INTS1: variants seen among roughly 807,000 people sequenced by gnomAD.
INTS1 encodes the protein integrator complex subunit 1.
In INTS1, 137 loss-of-function variants were observed where a neutral mutation model predicts 241.6. The observed-to-expected ratio is 0.57, with a 90% confidence interval of 0.49 to 0.65. The LOEUF (loss-of-function observed/expected upper bound fraction) is 0.65, where lower values mean the gene tolerates loss of function less well. INTS1 is among the 30% of genes least tolerant of loss of function. INTS1 has a pLI of 0.00. For missense variants in INTS1, 3,073 were observed against 3,032.2 expected (o/e 1.01, Z -0.32); for synonymous variants, 1,692 against 1,337.8 (o/e 1.26, Z -5.78).
At chr7:1,472,983 C>A in intron 43 of INTS1, 89 bp downstream of exon 43, 1 of 839,516 alleles carries the variant, frequency 1.2e-6, no homozygotes, top group Non-Finnish European at 1.8e-6. Flanking sequence ...ACGCCTCGGA[C>A]GGCCCAGGGC....
intron 29 of INTS1, 90 bp downstream of exon 29, chr7:1,480,745 G>T: frequency 9.3e-7 from 1 of 1,076,470 alleles, no homozygotes. Context: ...GGCTGTGCAG[G>T]CCCCGTCCCC....
At position 1,487,009 on chromosome 7, in the gene INTS1, G is replaced by A; in HGVS notation, c.2739C>T (p.Phe913=). The stretch of plus-strand genomic sequence containing the variant: ...CATCGTCCACAGCATCGTGCAGCAG[G>A]AACTCGCACAGACACTGCACGGGCA... ...DVLPVQCLCE[F]LLHDAVDDAA... is the part of the protein sequence containing the mutation. Residue 913 remains phenylalanine, a synonymous_variant, in exon 21 of 48, where the codon TTC becomes TTT. Coordinates refer to ENST00000404767, the MANE Select transcript of INTS1 (RefSeq NM_001080453.3). 6.2e-7 allele frequency: 1 copy of A among 1,605,522 alleles called. No homozygotes were observed. Among genetic ancestry groups the A allele is most frequent in the South Asian group, 1.1e-5 (1 of 90,414 alleles).
rs550447111 is a variant in INTS1 at position 1,493,791 on chromosome 7, G to A, written c.2031C>T (p.Asp677=). ...CGGCAGCCGCCCGCTTCACCAGGTG[G>A]TCAGCAAGCTCCATGGCGTCCGCAG... ...LGPADAMELA[D]HLVKRAAAVQ... The change falls in exon 15 of 48, where the codon GAC becomes GAT. Residue 677 remains aspartate (D), a synonymous_variant. Transcript: ENST00000404767. This position sits in a 1 kb window ranked among gnomAD's most constrained non-coding sequence, Gnocchi z 5.3. 6.3e-7 allele frequency: 1 copy of A among 1,579,412 alleles called. No homozygotes were observed. The highest frequency in any genetic ancestry group is 1.2e-5 in the South Asian group (1 of 86,092).
chr7:1,479,733 G>A (rs746534405), intron 30 of INTS1, 49 bp from the exon 31 acceptor site: 24 of 1,433,276 alleles, frequency 1.7e-5, no homozygotes, highest in African/African-American at 2.9e-5. Flanking sequence ...AGAAGGAGGA[G>A]GAGCGCAGCG....
Position 1,474,806 on chromosome 7 carries a change from G to C in INTS1, c.5535C>G (p.Leu1845=), listed in dbSNP as rs1265170626. The change falls in exon 40 of 48, where the codon CTC becomes CTG. Residue 1845 remains leucine (L), a synonymous_variant. Coordinates refer to ENST00000404767, the MANE Select transcript of INTS1 (RefSeq NM_001080453.3). ...LDGLIHRFIT[L]LADTSDSRAL... is the part of the protein sequence containing the mutation. ...CCCGGGAGTCGCTGGTGTCCGCAAG[G>C]AGCGTGATGAAGCGGTGGATGAGTC... 1.3e-6 allele frequency: 2 copies of C among 1,590,924 alleles called. No individual in the cohort carries two copies. Among genetic ancestry groups the C allele is most frequent in the Non-Finnish European group, 1.7e-6 (2 of 1,171,200 alleles).
In INTS1 at chr7:1,480,376, C is replaced by A; in HGVS notation, c.4015G>T (p.Val1339Leu). Residue 1339 changes from valine to leucine, a missense_variant, in exon 30 of 48, where the codon GTG becomes TTG. Val to Leu is a conservative substitution (Grantham distance 32). Transcript: ENST00000404767. Reference sequence around the variant, plus strand: ...CCCAGCACCCGGAGCTGGGTCCCCACCCGAATCCGGCCCTGGCCTATGGGC... The same window carrying A: ...CCCAGCACCCGGAGCTGGGTCCCCAACCGAATCCGGCCCTGGCCTATGGGC... ...EQPIGQGRIR[V>L]GTQLRVLGPE... The A allele has an allele frequency of 6.2e-7, 1 of 1,612,596 alleles. No homozygotes were observed.
intron 41 of INTS1, 69 bp downstream of exon 41, chr7:1,474,099 G>A (rs1246803002): frequency 1.4e-6 from 2 of 1,462,246 alleles, no homozygotes; most frequent in Non-Finnish European, 1.8e-6. Context: ...CCGCGAGTGG[G>A]TGAGGCAGGC....
intron 10 of INTS1, among the ~76,000 whole-genome samples, chr7:1,498,171 C>T (rs953549945): frequency 2.6e-5 from 4 of 152,240 alleles, no homozygotes; most frequent in African/African-American, 9.6e-5. Flanking sequence ...CTCAATGTGG[C>T]TCCCTCCTAA....
chr7:1,471,493 A>G, intron 45 of INTS1, 78 bp downstream of exon 45: 2 of 1,482,828 alleles, frequency 1.3e-6, no homozygotes, highest in Non-Finnish European at 1.9e-6. Context: ...CGGGCACGCC[A>G]TGTTGGGGTG....
rs998023808 is a variant in INTS1 at position 1,497,672 on chromosome 7, C to G, written c.1426-358G>C. On this transcript the variant is annotated intron_variant, in intron 10 of 47. Transcript: ENST00000404767. This position sits in a 1 kb window ranked among gnomAD's most constrained non-coding sequence, Gnocchi z 5.3. The stretch of plus-strand genomic sequence containing the variant: ...TGAACGGAAACCAAAGGCCACCACC[C>G]AAGATCTGAAAGGATCTGAAAGGAC... Among the ~76,000 whole-genome samples, 1 of 152,184 alleles carries G rather than the reference C, an allele frequency of 6.6e-6. No homozygotes were observed. The highest frequency in any genetic ancestry group is 1.5e-5 in the Non-Finnish European group (1 of 68,004).
chr7:1,494,730 A>G, intron 14 of INTS1, 86 bp downstream of exon 14: 2 of 1,343,784 alleles, frequency 1.5e-6, no homozygotes, highest in South Asian at 1.3e-5. Context: ...CCCAACTCCC[A>G]CTGGCCCTTC....
At chr7:1,494,026 C>T in intron 14 of INTS1, 115 bp from the exon 15 acceptor site, 1 of 1,291,030 alleles carries the variant, frequency 7.7e-7, no homozygotes, top group Non-Finnish European at 1.1e-6. Flanking sequence ...CAGAGGGCTG[C>T]TGCTGCCTCC....
At chr7:1,471,056 A>C in intron 46 of INTS1, 77 bp downstream of exon 46, 1 of 1,518,466 alleles carries the variant, frequency 6.6e-7, no homozygotes, top group Non-Finnish European at 8.9e-7. Flanking sequence ...TGGTCTGGCC[A>C]CCAGGCGGGT....
chr7:1,482,728 G>A (rs762911853), intron 26 of INTS1, 21 bp from the exon 27 acceptor site: 1 of 1,611,128 alleles, frequency 6.2e-7, no homozygotes, highest in East Asian at 2.2e-5. Flanking sequence ...GACAACGGGT[G>A]AGCAGCCTTC....
chr7:1,487,087 G>C lies in INTS1; in HGVS notation c.2661C>G (p.Ser887=). 1 of 1,549,420 alleles carries C rather than the reference G, an allele frequency of 6.5e-7. No homozygotes were observed. ...GTACCAGGTCCGCCAGCCAGGGCATGGACTGCGAGGAGGCCTGGGCAGGCG... is the reference window on the plus strand; with the variant it reads ...GTACCAGGTCCGCCAGCCAGGGCATCGACTGCGAGGAGGCCTGGGCAGGCG... ...HIIQRQASSQ[S]MPWLADLVQS... The change falls in exon 21 of 48, where the codon TCC becomes TCG. Residue 887 remains serine, a synonymous_variant. Coordinates refer to ENST00000404767, the MANE Select transcript of INTS1 (RefSeq NM_001080453.3).
chr7:1,485,273 C>G lies in INTS1; in HGVS notation c.3156+17G>C, dbSNP rs774035572. The G allele has an allele frequency of 3.1e-6, 5 of 1,600,568 alleles. No individual in the cohort carries two copies. In the South Asian group the frequency reaches 3.3e-5, roughly 11 times the overall value. On this transcript the variant is annotated intron_variant, in intron 23 of 47. Coordinates refer to ENST00000404767, the MANE Select transcript of INTS1 (RefSeq NM_001080453.3). ...CCTCTCATCTTTCCCTGCCGCGGCC[C>G]CGGTCAGCGCCCTCACCTGCTGCAG...
At chr7:1,477,486 C>A in intron 35 of INTS1, 64 bp downstream of exon 35, 1 of 1,449,280 alleles carries the variant, frequency 6.9e-7, no homozygotes, top group Non-Finnish European at 9.1e-7. Context: ...GGCTGCTGCA[C>A]TTCAGGTCAG....
chr7:1,496,075 TGCAGCCTCGGAGAGCCGCCAGCCACCA>T, intron 12 of INTS1, 54 bp downstream of exon 12: 1 of 1,095,406 alleles, frequency 9.1e-7, no homozygotes, highest in Non-Finnish European at 1.4e-6. Flanking sequence ...CAGGGGACAG[TGCAGCCTCGGAGAGCCGCCAGCCACCA>T]GCCTGGACCC....
At chr7:1,504,148 G>A (rs988949070) in intron 1 of INTS1, 147 bp from the exon 2 acceptor site, 16 of 560,450 alleles carry the variant, frequency 2.9e-5, no homozygotes, top group South Asian at 1.8e-4. Context: ...AGGAGCTGCA[G>A]GGACCCCGCC....
Sources: gnomAD v4.1 joint callset for allele counts (sites outside exome capture counted in the v4.1 genomes callset) on GRCh38, gnomAD v4.1.1 for gene constraint, Gnocchi (gnomAD v3.1) non-coding constraint, MANE v1.5 for transcripts, NCBI Gene and HGNC (gene_info 2026-07-23, HGNC 2026-07-21) for gene names.